Variants in GRID1 observed in about 807,000 individuals in gnomAD.
The protein encoded by GRID1 is glutamate receptor ionotropic, delta-1.
A neutral mutation model predicts 98.0 loss-of-function variants in GRID1; 28 were observed. That is an observed-to-expected ratio of 0.29 (90% CI 0.21 to 0.39). GRID1 has a LOEUF of 0.39. Among genes scored for constraint, GRID1 ranks in the 10% least tolerant of loss-of-function variants. The pLI is 1.00. For synonymous variants in GRID1, 553 were observed against 538.5 expected (o/e 1.03, Z -0.37); for missense variants, 1,111 against 1,340.5 (o/e 0.83, Z 2.67).
At chr10:86,108,202 G>C (rs113966918) in intron 4 of GRID1, among the ~76,000 whole-genome samples, 4 of 152,166 alleles carry the variant, frequency 2.6e-5, no homozygotes, top group African/African-American at 9.7e-5. Flanking sequence ...TTTGAGCAGC[G>C]GGGCACTGAA....
chr10:85,980,062 C>G (rs891968539), intron 4 of GRID1, among the ~76,000 whole-genome samples: 1 of 152,240 alleles, frequency 6.6e-6, no homozygotes, highest in Non-Finnish European at 1.5e-5. Context: ...CAAAGCCATT[C>G]CATCCTCATT....
At chr10:85,923,420 A>G (rs1307379291) in intron 4 of GRID1, among the ~76,000 whole-genome samples, 1 of 152,154 alleles carries the variant, frequency 6.6e-6, no homozygotes, top group Admixed American at 6.5e-5. Flanking sequence ...CCTGGAAGAA[A>G]GCTGAACCTG....
intron 4 of GRID1, among the ~76,000 whole-genome samples, chr10:85,993,242 T>C (rs1362251919): frequency 6.6e-6 from 1 of 152,062 alleles, no homozygotes; most frequent in African/African-American, 2.4e-5. Flanking sequence ...GAGAGGACAG[T>C]GGGCAGAATC....
chr10:86,185,339 C>T (rs1312498925), intron 3 of GRID1, among the ~76,000 whole-genome samples: 1 of 152,092 alleles, frequency 6.6e-6, no homozygotes, highest in Non-Finnish European at 1.5e-5. Flanking sequence ...TGCAATGTTG[C>T]TAAACTCACT....
At chr10:86,072,406 C>T (rs1301699497) in intron 4 of GRID1, among the ~76,000 whole-genome samples, 1 of 152,134 alleles carries the variant, frequency 6.6e-6, no homozygotes, top group African/African-American at 2.4e-5. Flanking sequence ...ATTTTTCGGG[C>T]CAGTCGATGT....
chr10:86,091,062 G>A (rs1488386064), intron 4 of GRID1, among the ~76,000 whole-genome samples: 1 of 152,158 alleles, frequency 6.6e-6, no homozygotes, highest in Admixed American at 6.6e-5. Flanking sequence ...GAGAAGCAGG[G>A]GGTAAAACTC....
chr10:85,646,111 AGTGTGT>A (rs58539676), intron 13 of GRID1: 69 of 148,458 alleles, frequency 4.6e-4, no homozygotes, highest in African/African-American at 1.5e-3. Flanking sequence ...CACAGGGATG[AGTGTGT>A]GTGTGTGTGT....
At chr10:86,139,185 C>G (rs1844976349) in intron 3 of GRID1, among the ~76,000 whole-genome samples, 161 bp from the exon 4 acceptor site, 1 of 152,198 alleles carries the variant, frequency 6.6e-6, no homozygotes, top group African/African-American at 2.4e-5. Flanking sequence ...TTGGAGGACG[C>G]CGGCGTAGAC....
rs1455824036 is a variant in GRID1 at position 86,319,703 on chromosome 10, G to A, written c.235+44238C>T. On this transcript the variant is annotated intron_variant, in intron 2 of 15. Coordinates refer to ENST00000327946, the MANE Select transcript of GRID1 (RefSeq NM_017551.3). ...GCTTCCATGAGATAATCTGGGAGGT[G>A]GGCAATCCTGGTGTCTGCAGAAGTT... Among the ~76,000 whole-genome samples, 3 of 152,212 alleles carry A rather than the reference G, an allele frequency of 2.0e-5. No individual in the cohort carries two copies. In the East Asian group the frequency reaches 5.8e-4, roughly 29 times the overall value.
At chr10:86,347,365 T>C (rs2132114167) in intron 2 of GRID1, among the ~76,000 whole-genome samples, 1 of 152,238 alleles carries the variant, frequency 6.6e-6, no homozygotes, top group East Asian at 1.9e-4. Context: ...CTACCGTGCC[T>C]CTTTCACTCT....
At chr10:85,951,218 C>T (rs560869054) in intron 4 of GRID1, among the ~76,000 whole-genome samples, 2 of 152,294 alleles carry the variant, frequency 1.3e-5, no homozygotes, top group East Asian at 3.9e-4. Context: ...AGACTCTGGG[C>T]TCCAGGAGGG....
rs116321721 is a variant in GRID1, at chr10:85,698,103, G to C, written c.1997+24900C>G. Among the ~76,000 whole-genome samples the C allele has an allele frequency of 5.8e-3, 888 of 152,212 alleles. 14 individuals carry two copies. The highest frequency in any genetic ancestry group is 0.02 in the African/African-American group (851 of 41,540). On this transcript the variant is annotated intron_variant, in intron 12 of 15. Coordinates refer to ENST00000327946, the MANE Select transcript of GRID1 (RefSeq NM_017551.3). ...CGAATAATACCAAGGGTAATCTGGAGAGTGCAGGTACCACCGAAAATATCA... is the reference window on the plus strand; with the variant it reads ...CGAATAATACCAAGGGTAATCTGGACAGTGCAGGTACCACCGAAAATATCA...
chr10:85,734,468 T>C (rs974862851), intron 8 of GRID1, among the ~76,000 whole-genome samples: 1 of 152,188 alleles, frequency 6.6e-6, no homozygotes, highest in South Asian at 2.1e-4. Flanking sequence ...CTAAAAGTGG[T>C]TAGGAATTAA....
intron 5 of GRID1, among the ~76,000 whole-genome samples, chr10:85,881,222 C>T (rs1589285973): frequency 6.6e-6 from 1 of 152,114 alleles, no homozygotes; most frequent in Non-Finnish European, 1.5e-5. Context: ...AGATTCAATG[C>T]CATCCCCATC....
intron 8 of GRID1, among the ~76,000 whole-genome samples, chr10:85,838,879 T>C (rs1842935996): frequency 6.6e-6 from 1 of 152,074 alleles, no homozygotes. Flanking sequence ...AGATCCATTG[T>C]TATGCTGTCT....
chr10:86,304,937 T>A (rs1847739010), intron 2 of GRID1, among the ~76,000 whole-genome samples: 1 of 152,048 alleles, frequency 6.6e-6, no homozygotes, highest in South Asian at 2.1e-4. Flanking sequence ...GGTGGTTAAT[T>A]TCATGGGCCA....
chr10:86,165,831 G>A (rs562122597), intron 3 of GRID1, among the ~76,000 whole-genome samples: 3 of 152,278 alleles, frequency 2.0e-5, no homozygotes, highest in South Asian at 2.1e-4. Flanking sequence ...GTGGCTGGCA[G>A]GAACCGACAT....
intron 8 of GRID1, among the ~76,000 whole-genome samples, chr10:85,792,229 C>T (rs372214391): frequency 3.9e-5 from 6 of 152,148 alleles, no homozygotes; most frequent in Non-Finnish European, 7.4e-5. Flanking sequence ...CCCTGATGCT[C>T]GAAGCTCCTG....
intron 3 of GRID1, among the ~76,000 whole-genome samples, chr10:86,144,766 G>C (rs1467113120): frequency 1.3e-5 from 2 of 152,150 alleles, no homozygotes; most frequent in South Asian, 2.1e-4. Flanking sequence ...ACTCCCACTA[G>C]TCCTAGGTTT....
Sources: allele counts gnomAD v4.1 joint callset (sites outside exome capture counted in the v4.1 genomes callset), GRCh38; gene constraint gnomAD v4.1.1; transcripts MANE v1.5; gene names NCBI Gene and HGNC (gene_info 2026-07-23, HGNC 2026-07-21).